ASPH: variants seen among roughly 807,000 people sequenced by gnomAD.
ASPH encodes the protein aspartyl/asparaginyl beta-hydroxylase.
ASPH carries 100 observed loss-of-function variants against 118.4 expected under a neutral mutation model. The ratio of observed to expected loss-of-function variants is 0.84; its 90% CI spans 0.72 to 1.00. The LOEUF is 1.00. Among genes scored for constraint, ASPH ranks in the 50% least tolerant of loss-of-function variants. The pLI is 0.00. For missense variants in ASPH, 920 were observed against 919.5 expected (o/e 1.00, Z -0.01); for synonymous variants, 315 against 325.6 (o/e 0.97, Z 0.35).
intron 13 of ASPH, among the ~76,000 whole-genome samples, chr8:61,626,631 C>G (rs1192458733): frequency 6.6e-6 from 1 of 151,246 alleles, no homozygotes; most frequent in African/African-American, 2.4e-5. Context: ...AAAATAAATA[C>G]AAGAAGCAGT....
At chr8:61,651,567 T>A (rs1487612549) in intron 4 of ASPH, 1 of 154,758 alleles carries the variant, frequency 6.5e-6, no homozygotes, top group Admixed American at 6.5e-5. Flanking sequence ...AACCATTACC[T>A]ATCTTCCCTG....
intron 14 of ASPH, among the ~76,000 whole-genome samples, chr8:61,592,191 A>G: frequency 6.6e-6 from 1 of 152,210 alleles, no homozygotes; most frequent in East Asian, 1.9e-4. Flanking sequence ...ACTACAGTAA[A>G]GGAAAGTCAT....
chr8:61,707,198 G>A (rs989234617), intron 1 of ASPH, among the ~76,000 whole-genome samples: 1 of 151,602 alleles, frequency 6.6e-6, no homozygotes, highest in African/African-American at 2.4e-5. Flanking sequence ...CACAGACTAG[G>A]AGAAGTCCTT....
chr8:61,662,714 C>G (rs1171803258), intron 3 of ASPH: 3 of 388,416 alleles, frequency 7.7e-6, no homozygotes, highest in Non-Finnish European at 1.1e-5. Context: ...AAAAATAAAT[C>G]AAGTTCTAGT....
intron 24 of ASPH, among the ~76,000 whole-genome samples, chr8:61,510,545 C>T (rs536244779): frequency 2.0e-5 from 3 of 152,300 alleles, no homozygotes; most frequent in Middle Eastern, 3.4e-3. Flanking sequence ...TTTCACCAAT[C>T]GGTTCAACAA....
At chr8:61,553,177 T>C in intron 19 of ASPH, 57 bp from the exon 20 acceptor site, 6 of 1,310,792 alleles carry the variant, frequency 4.6e-6, no homozygotes, top group South Asian at 3.8e-5. Context: ...ATTCCATTAA[T>C]TGATTTACAT....
chr8:61,693,998 A>C (rs1833330958), intron 1 of ASPH, among the ~76,000 whole-genome samples: 1 of 152,180 alleles, frequency 6.6e-6, no homozygotes, highest in African/African-American at 2.4e-5. Flanking sequence ...AGCCAGCCTC[A>C]GCTGGGCCTC....
intron 19 of ASPH, among the ~76,000 whole-genome samples, chr8:61,554,258 G>A (rs1183999593): frequency 6.6e-6 from 1 of 152,362 alleles, no homozygotes; most frequent in African/African-American, 2.4e-5. Context: ...GTGCAGGGAA[G>A]TGAGCCAGAT....
At chr8:61,564,646 G>A (rs1352910034) in intron 17 of ASPH, among the ~76,000 whole-genome samples, 2 of 152,154 alleles carry the variant, frequency 1.3e-5, no homozygotes, top group Non-Finnish European at 2.9e-5. Context: ...TTGCCTCTCT[G>A]GAGTCCCGGC....
intron 13 of ASPH, chr8:61,625,781 T>C: frequency 1.0e-6 from 1 of 985,878 alleles, no homozygotes; most frequent in Non-Finnish European, 1.2e-6. Flanking sequence ...CTAATGATGA[T>C]CTCTGTTAGC....
intron 10 of ASPH, among the ~76,000 whole-genome samples, chr8:61,638,652 T>C (rs1261886511): frequency 6.6e-6 from 1 of 152,206 alleles, no homozygotes; most frequent in Non-Finnish European, 1.5e-5. Context: ...GCCGAAGCTG[T>C]ACCCTGGGAA....
intron 1 of ASPH, among the ~76,000 whole-genome samples, chr8:61,699,321 A>C (rs1442115259): frequency 6.6e-6 from 1 of 152,140 alleles, no homozygotes; most frequent in Non-Finnish European, 1.5e-5. Context: ...AAATAACCAC[A>C]CTTCTGTAGA....
At chr8:61,584,157 T>A (rs1838515900) in intron 14 of ASPH, 128 bp from the exon 15 acceptor site, 1 of 598,012 alleles carries the variant, frequency 1.7e-6, no homozygotes, top group Admixed American at 3.3e-5. Flanking sequence ...GAAGGCACAC[T>A]GCAGGCTCGC....
intron 5 of ASPH, among the ~76,000 whole-genome samples, chr8:61,649,954 T>C (rs1038560006): frequency 3.8e-4 from 58 of 152,314 alleles, no homozygotes; most frequent in African/African-American, 1.3e-3. Flanking sequence ...TTTCAGGTCC[T>C]TTCCTGTCTC....
chr8:61,711,772 G>A (rs1321583516), intron 1 of ASPH, among the ~76,000 whole-genome samples: 1 of 152,078 alleles, frequency 6.6e-6, no homozygotes, highest in Non-Finnish European at 1.5e-5. Context: ...GACCAATGCC[G>A]TCATTTTCTG....
Position 61,714,530 on chromosome 8 carries a change from T to A in ASPH, c.-159A>T. The A allele has an allele frequency of 9.1e-7, 1 of 1,098,292 alleles. No homozygotes were observed. The highest frequency in any genetic ancestry group is 1.2e-6 in the Non-Finnish European group (1 of 849,294). The allele number at this position is 1,098,292 out of a possible 1,614,324, so 68.0% of individuals were successfully genotyped here. On this transcript the variant is annotated 5_prime_UTR_variant, in exon 1 of 25. Transcript: ENST00000379454. ...GTGCCTCAGCACCGCCTGCAGCACC[T>A]GGGAAGACTTCACCCGCCTGCCGGC...
chr8:61,695,548 T>C (rs1346636579), intron 1 of ASPH, among the ~76,000 whole-genome samples: 2 of 152,230 alleles, frequency 1.3e-5, no homozygotes, highest in Non-Finnish European at 2.9e-5. Context: ...CAGCTCACTC[T>C]GCTTACAAAC....
intron 3 of ASPH, among the ~76,000 whole-genome samples, chr8:61,672,699 A>G (rs1241225742): frequency 6.6e-6 from 1 of 152,188 alleles, no homozygotes; most frequent in African/African-American, 2.4e-5. Context: ...GGAGTCCACA[A>G]ACTACTTAAT....
At chr8:61,559,319 A>G (rs1251029041) in intron 18 of ASPH, among the ~76,000 whole-genome samples, 1 of 152,244 alleles carries the variant, frequency 6.6e-6, no homozygotes, top group Non-Finnish European at 1.5e-5. Flanking sequence ...TCTGGTCAAC[A>G]GCAGACTATC....
Sources: gnomAD v4.1 joint callset for allele counts (sites outside exome capture counted in the v4.1 genomes callset) on GRCh38, gnomAD v4.1.1 for gene constraint, MANE v1.5 for transcripts, NCBI Gene and HGNC (gene_info 2026-07-23, HGNC 2026-07-21) for gene names.